MTAP: variants seen among roughly 807,000 people sequenced by gnomAD.
The protein encoded by MTAP is S-methyl-5'-thioadenosine phosphorylase.
MTAP carries 33 observed loss-of-function variants against 33.6 expected under a neutral mutation model. That is an observed-to-expected ratio of 0.98 (90% CI 0.74 to 1.31). The LOEUF (loss-of-function observed/expected upper bound fraction) is 1.31, where lower values mean the gene tolerates loss of function less well. Among genes scored for constraint, MTAP ranks in the 40% most tolerant of loss-of-function variants. The pLI is 0.00. For missense variants in MTAP, 367 were observed against 360.0 expected, an observed-to-expected ratio of 1.02 and a Z score of -0.16; for synonymous variants, 148 against 125.7, an observed-to-expected ratio of 1.18 and a Z score of -1.19.
chr9:21,863,638 A>G lies in MTAP; in HGVS notation c.*1624A>G. On this transcript the variant is annotated 3_prime_UTR_variant, in exon 8 of 8. Transcript: ENST00000644715. Reference sequence around the variant, plus strand: ...ACTCAGTCTCAAAAAAAAAAAAAAGAGTGAAATGCTTTTTGTTTGCTTCAG... The same window carrying G: ...ACTCAGTCTCAAAAAAAAAAAAAAGGGTGAAATGCTTTTTGTTTGCTTCAG... The G allele has an allele frequency of 2.1e-6, 2 of 974,114 alleles. No homozygotes were observed. The highest frequency in any genetic ancestry group is 2.4e-6 in the Non-Finnish European group (2 of 820,438). The allele number at this position is 974,114 out of a possible 1,614,324, so 60.3% of individuals were successfully genotyped here. A position where few individuals can be genotyped will look rare whatever the true frequency, so the allele number is the denominator to read the frequency against.
At chr9:21,815,688 A>G in intron 2 of MTAP, 169 bp downstream of exon 2, 1 of 622,384 alleles carries the variant, frequency 1.6e-6, no homozygotes, top group Non-Finnish European at 2.9e-6. Context: ...CCATCAGCTG[A>G]GAAGGTGTCT....
rs189433334 is a variant in MTAP at position 21,862,862 on chromosome 9, A to T, written c.*848A>T. ...ACTGGGATAATTTTTATTTTCTTTG[A>T]ATCTTTCTGTGTCTTCACATTTTTC... is the stretch of plus-strand genomic sequence containing the variant. On this transcript the variant is annotated 3_prime_UTR_variant, in exon 8 of 8. Transcript: ENST00000644715. 1.3e-6 allele frequency: 1 copy of T among 764,656 alleles called. No homozygotes were observed. Among genetic ancestry groups the T allele is most frequent in the Admixed American group, 6.3e-5 (1 of 15,990 alleles). The allele number at this position is 764,656 out of a possible 1,614,324, so 47.4% of individuals were successfully genotyped here.
At chr9:21,923,942 G>C (rs985334251) in intron 1 of MTAP, among the ~76,000 whole-genome samples, 1 of 152,226 alleles carries the variant, frequency 6.6e-6, no homozygotes, top group Admixed American at 6.5e-5. Context: ...GACAGAGAGA[G>C]ATAAAGGCTG....
chr9:21,896,096 G>A (rs1818287282), intron 1 of MTAP, among the ~76,000 whole-genome samples: 1 of 152,154 alleles, frequency 6.6e-6, no homozygotes, highest in African/African-American at 2.4e-5. Flanking sequence ...TAGAACTCAG[G>A]ATTAAGAAAC....
rs562740715 is a variant in MTAP at position 21,918,113 on chromosome 9, G to A, written c.148-12895G>A. Among the ~76,000 whole-genome samples, 1,108 of 129,422 alleles carry A rather than the reference G, an allele frequency of 8.6e-3. 34 individuals are homozygous for A. Among genetic ancestry groups the A allele is most frequent in the Middle Eastern group, 0.014 (3 of 220 alleles). 84.9% of individuals were successfully genotyped at this position (129,422 alleles called of 152,430 possible). On this transcript the variant is annotated intron_variant, in intron 1 of 1. Transcript: ENST00000577563. ...CGCCTGTAATCCCAGCACTTTGGGA[G>A]GCCGAGGCGGGCGGATCACGAGGTC...
At chr9:21,884,484 A>G (rs1587274056) in intron 1 of MTAP, among the ~76,000 whole-genome samples, 1 of 152,234 alleles carries the variant, frequency 6.6e-6, no homozygotes, top group Admixed American at 6.5e-5. Flanking sequence ...ATCTTAGTCA[A>G]TTCAAGCTAT....
chr9:21,904,630 A>G (rs1054271361), intron 1 of MTAP, among the ~76,000 whole-genome samples: 1 of 152,212 alleles, frequency 6.6e-6, no homozygotes, highest in Non-Finnish European at 1.5e-5. Context: ...AGAAAAATAT[A>G]TCAGCCAGTA....
chr9:21,881,190 A>T (rs1481844472), intron 1 of MTAP, among the ~76,000 whole-genome samples: 1 of 152,102 alleles, frequency 6.6e-6, no homozygotes, highest in Non-Finnish European at 1.5e-5. Flanking sequence ...TGCTATTGTG[A>T]AAACTGGATA....
rs552960297 is a variant in MTAP at position 21,832,374 on chromosome 9, T to TTTTATGGTAAAGAGTTAC, written c.348-5533_348-5516dup. ...TCTGCCTCTTGATGACTAGAAAGCG[T>TTTTATGGTAAAGAGTTAC]TTTATGGTAAAGAGTTACGCAAGAA... On this transcript the variant is annotated intron_variant, in intron 4 of 7. Coordinates refer to ENST00000644715, the MANE Select transcript of MTAP (RefSeq NM_002451.4). Among the ~76,000 whole-genome samples the TTTTATGGTAAAGAGTTAC allele has an allele frequency of 8.5e-5, 13 of 152,294 alleles. No individual in the cohort carries two copies. In the South Asian group the frequency reaches 2.7e-3, roughly 32 times the overall value.
intron 4 of MTAP, among the ~76,000 whole-genome samples, chr9:21,828,111 A>T (rs3900787): frequency 2.6e-5 from 4 of 152,054 alleles, no homozygotes; most frequent in Non-Finnish European, 1.5e-5. Flanking sequence ...GAAAGAAAAC[A>T]GGTATTGCCA....
intron 1 of MTAP, among the ~76,000 whole-genome samples, chr9:21,874,309 T>G (rs975008408): frequency 1.3e-5 from 2 of 152,220 alleles, no homozygotes; most frequent in Non-Finnish European, 2.9e-5. Flanking sequence ...TATGAATATT[T>G]CCATGATAAG....
chr9:21,875,876 C>T (rs564197575), intron 1 of MTAP, among the ~76,000 whole-genome samples: 15 of 152,080 alleles, frequency 9.9e-5, no homozygotes, highest in African/African-American at 3.4e-4. Context: ...ATGTATGTTC[C>T]TCTGGGTATA....
chr9:21,939,882 CA>C (rs1003526702), downstream of MTAP, among the ~76,000 whole-genome samples: 39 of 139,710 alleles, frequency 2.8e-4, no homozygotes, highest in Non-Finnish European at 3.8e-4. Context: ...GACTCTGTCT[CA>C]AAAAAAAAAG....
At chr9:21,900,848 A>C (rs1463881964) in intron 1 of MTAP, among the ~76,000 whole-genome samples, 1 of 152,218 alleles carries the variant, frequency 6.6e-6, no homozygotes, top group Non-Finnish European at 1.5e-5. Flanking sequence ...GAGAAAGAAC[A>C]AAATAATGTC....
chr9:21,832,311 G>C (rs755639455), intron 4 of MTAP, among the ~76,000 whole-genome samples: 2 of 152,200 alleles, frequency 1.3e-5, no homozygotes, highest in Non-Finnish European at 2.9e-5. Flanking sequence ...CCTGAGGTTG[G>C]GAGTATGCTC....
chr9:21,823,089 C>A (rs60234353), intron 4 of MTAP, among the ~76,000 whole-genome samples: 4 of 152,080 alleles, frequency 2.6e-5, no homozygotes, highest in Non-Finnish European at 4.4e-5. Flanking sequence ...TCCAATTTGC[C>A]AGTCTGTGTC....
chr9:21,889,447 G>T (rs1010433050), intron 1 of MTAP, among the ~76,000 whole-genome samples: 9 of 151,674 alleles, frequency 5.9e-5, no homozygotes, highest in Admixed American at 5.9e-4. Flanking sequence ...ATCTTTTGGG[G>T]GTGTTATAGC....
At chr9:21,808,605 A>AAAC (rs199757658) in intron 1 of MTAP, among the ~76,000 whole-genome samples, 1 of 146,914 alleles carries the variant, frequency 6.8e-6, no homozygotes, top group Admixed American at 6.8e-5. Flanking sequence ...AAAAAAAAAA[A>AAAC]ACACACACAC....
chr9:21,905,880 A>G (rs2118826924), intron 1 of MTAP, among the ~76,000 whole-genome samples: 1 of 152,360 alleles, frequency 6.6e-6, no homozygotes, highest in South Asian at 2.1e-4. Flanking sequence ...GGGAGATGAC[A>G]ACACTTATAT....
Sources: allele counts gnomAD v4.1 joint callset (sites outside exome capture counted in the v4.1 genomes callset), GRCh38; gene constraint gnomAD v4.1.1; transcripts MANE v1.5; gene names NCBI Gene and HGNC (gene_info 2026-07-23, HGNC 2026-07-21).